Variants in PRKAR1B observed in about 807,000 individuals in gnomAD.
The protein encoded by PRKAR1B is cAMP-dependent protein kinase type I-beta regulatory subunit.
A neutral mutation model predicts 46.5 loss-of-function variants in PRKAR1B; 22 were observed. The observed-to-expected ratio is 0.47, with a 90% CI of 0.34 to 0.68. PRKAR1B has a LOEUF of 0.68. PRKAR1B is among the 30% of genes least tolerant of loss of function. The pLI is 0.01. For missense variants in PRKAR1B, 445 were observed against 535.6 expected (o/e 0.83, Z 1.67); for synonymous variants, 259 against 217.7 (o/e 1.19, Z -1.67).
At chr7:603,526 G>T (rs1462159827) in intron 6 of PRKAR1B, among the ~76,000 whole-genome samples, 1 of 152,082 alleles carries the variant, frequency 6.6e-6, no homozygotes, top group Non-Finnish European at 1.5e-5. Flanking sequence ...CTCGTCACAA[G>T]TGCCAGGCAT....
Position 598,143 on chromosome 7 carries a change from C to T in PRKAR1B, c.550-1839G>A, listed in dbSNP as rs528091699. On this transcript the variant is annotated intron_variant, in intron 6 of 10. Transcript: ENST00000537384. ...GCTTCAGGAGGCATTCTGCACTAAACACCATCACCCTCCAGCACCCTCCAG... is the reference window on the plus strand; with the variant it reads ...GCTTCAGGAGGCATTCTGCACTAAATACCATCACCCTCCAGCACCCTCCAG... 7.9e-5 allele frequency among the ~76,000 whole-genome samples: 12 copies of T among 152,018 alleles called. No individual in the cohort carries two copies. In the South Asian group the frequency reaches 2.3e-3, roughly 29 times the overall value.
intron 1 of PRKAR1B, chr7:726,498 T>G: frequency 2.6e-6 from 1 of 380,956 alleles, no homozygotes; most frequent in Non-Finnish European, 4.6e-6. Context: ...CTTCCCCATC[T>G]GTACAATGGG....
At chr7:591,931 G>A (rs1780997501) in intron 7 of PRKAR1B, among the ~76,000 whole-genome samples, 1 of 152,192 alleles carries the variant, frequency 6.6e-6, no homozygotes, top group Admixed American at 6.5e-5. Context: ...TCCCACGCAC[G>A]GCTGTGGGGT....
intron 2 of PRKAR1B, chr7:691,832 C>T: frequency 8.5e-7 from 1 of 1,178,034 alleles, no homozygotes; most frequent in East Asian, 6.0e-5. Context: ...GCCAAGTAAA[C>T]ACCTCATCAC....
intron 2 of PRKAR1B, among the ~76,000 whole-genome samples, chr7:690,156 C>CAT (rs1562619254): frequency 2.0e-5 from 3 of 151,774 alleles, no homozygotes; most frequent in East Asian, 3.9e-4. Context: ...ATTAGCCAGG[C>CAT]GTGGTGGTGT....
At chr7:720,744 A>G (rs1781042567) in intron 1 of PRKAR1B, among the ~76,000 whole-genome samples, 1 of 152,124 alleles carries the variant, frequency 6.6e-6, no homozygotes, top group Admixed American at 6.5e-5. Context: ...TCTTTTTCCC[A>G]AGGAATTTCA....
At chr7:606,335 G>T in intron 5 of PRKAR1B, 96 bp from the exon 6 acceptor site, 1 of 1,075,012 alleles carries the variant, frequency 9.3e-7, no homozygotes, top group Non-Finnish European at 1.4e-6. Flanking sequence ...CTGTTGCAGA[G>T]ACCCTCGAAG....
chr7:568,509 C>T (rs896655168), intron 9 of PRKAR1B, among the ~76,000 whole-genome samples: 2 of 152,220 alleles, frequency 1.3e-5, no homozygotes, highest in Non-Finnish European at 2.9e-5. Flanking sequence ...TGCGGACTTC[C>T]CAGAAGGACC....
intron 9 of PRKAR1B, among the ~76,000 whole-genome samples, chr7:557,561 G>A (rs145877153): frequency 0.076 from 11,642 of 152,208 alleles, 559 homozygotes; most frequent in Non-Finnish European, 0.1. Context: ...GCAGAGGAGG[G>A]AGAAACAGGA....
intron 2 of PRKAR1B, 58 bp downstream of exon 2, chr7:711,271 G>C: frequency 3.1e-6 from 5 of 1,591,228 alleles, no homozygotes; most frequent in Non-Finnish European, 4.3e-6. Context: ...TTCCCCGGCT[G>C]CCGCCTCTGC....
intron 2 of PRKAR1B, among the ~76,000 whole-genome samples, chr7:691,327 G>A (rs1004743556): frequency 6.6e-6 from 1 of 152,196 alleles, no homozygotes; most frequent in Admixed American, 6.5e-5. Flanking sequence ...GGGGAAACTC[G>A]GCCAGGCCAA....
chr7:571,693 AG>A (rs1779522705), intron 9 of PRKAR1B, among the ~76,000 whole-genome samples: 1 of 151,932 alleles, frequency 6.6e-6, no homozygotes, highest in African/African-American at 2.4e-5. Flanking sequence ...GGCTGTGGGG[AG>A]GTCTCCGGGA....
At chr7:578,533 G>A (rs188838530) in intron 9 of PRKAR1B, among the ~76,000 whole-genome samples, 118 of 152,282 alleles carry the variant, frequency 7.7e-4, no homozygotes, top group African/African-American at 2.6e-3. Flanking sequence ...GAATGTATGC[G>A]ATGTCCCCAA....
chr7:604,509 G>C (rs1396816808), intron 6 of PRKAR1B, among the ~76,000 whole-genome samples: 1 of 152,238 alleles, frequency 6.6e-6, no homozygotes, highest in Non-Finnish European at 1.5e-5. Context: ...GCTCAGGACA[G>C]AGCACACCAG....
chr7:558,391 A>C (rs928402248), intron 9 of PRKAR1B, among the ~76,000 whole-genome samples: 6 of 152,000 alleles, frequency 3.9e-5, no homozygotes, highest in African/African-American at 1.4e-4. Flanking sequence ...AGAAATAATA[A>C]AATTTCCTAT....
chr7:710,441 C>T (rs893218431), intron 2 of PRKAR1B, among the ~76,000 whole-genome samples: 4 of 152,202 alleles, frequency 2.6e-5, no homozygotes, highest in South Asian at 2.1e-4. Flanking sequence ...CAGGCACGCA[C>T]GTCTACGAAA....
At chr7:638,742 T>C (rs1270776634) in intron 4 of PRKAR1B, among the ~76,000 whole-genome samples, 1 of 152,172 alleles carries the variant, frequency 6.6e-6, no homozygotes, top group Non-Finnish European at 1.5e-5. Flanking sequence ...AACTGATCTA[T>C]CAATTCAACA....
chr7:710,548 C>G (rs1172541932), intron 2 of PRKAR1B, among the ~76,000 whole-genome samples: 1 of 152,034 alleles, frequency 6.6e-6, no homozygotes, highest in African/African-American at 2.4e-5. Flanking sequence ...CCACACGTGC[C>G]GAAGGGTACT....
At chr7:588,753 ATGGTGATGG>A (rs1780785711) in intron 7 of PRKAR1B, among the ~76,000 whole-genome samples, 1 of 3,672 alleles carries the variant, frequency 2.7e-4, no homozygotes, top group Non-Finnish European at 6.2e-4. Context: ...GGTGATGGTG[ATGGTGATGG>A]TGGTGATGGT....
Sources: allele counts gnomAD v4.1 joint callset (sites outside exome capture counted in the v4.1 genomes callset), GRCh38; gene constraint gnomAD v4.1.1; transcripts MANE v1.5; gene names NCBI Gene and HGNC (gene_info 2026-07-23, HGNC 2026-07-21).